The following ROBO1 variants were observed in gnomAD, a reference collection of about 807,000 sequenced individuals.
The protein encoded by ROBO1 is roundabout homolog 1.
A neutral mutation model predicts 195.9 loss-of-function variants in ROBO1; 149 were observed. The ratio of observed to expected loss-of-function variants is 0.76; its 90% CI spans 0.67 to 0.87. The LOEUF (loss-of-function observed/expected upper bound fraction) is 0.87, where lower values mean the gene tolerates loss of function less well. Ranked by LOEUF, ROBO1 falls within the 40% of genes least tolerant of loss-of-function variation. ROBO1 has a pLI of 0.00. For missense variants in ROBO1, 1,933 were observed against 2,068.3 expected, an observed-to-expected ratio of 0.93 and a Z score of 1.27; for synonymous variants, 816 against 733.2, an observed-to-expected ratio of 1.11 and a Z score of -1.82.
intron 1 of ROBO1, among the ~76,000 whole-genome samples, chr3:79,667,715 G>A (rs575541887): frequency 6.6e-6 from 1 of 151,812 alleles, no homozygotes; most frequent in Non-Finnish European, 1.5e-5. Context: ...GTGATGTCTT[G>A]ATCAAGCAAT....
At chr3:79,454,259 T>A (rs900145449) in intron 2 of ROBO1, among the ~76,000 whole-genome samples, 1 of 152,020 alleles carries the variant, frequency 6.6e-6, no homozygotes, top group Admixed American at 6.6e-5. Context: ...TGCAGCATCC[T>A]GTTACCAAGA....
chr3:78,631,307 T>C lies in ROBO1; in HGVS notation c.3482-2A>G. ...CCCCTTTCTTGTGCCCCTGACTCCCTAGAAAGGAAATAAAATAGAAGCCAT... is the reference window on the plus strand; with the variant it reads ...CCCCTTTCTTGTGCCCCTGACTCCCCAGAAAGGAAATAAAATAGAAGCCAT... On this transcript the variant is annotated splice_acceptor_variant, in intron 24 of 30. Transcript: ENST00000464233. LOFTEE classifies it high-confidence loss of function. The C allele has an allele frequency of 6.2e-7, 1 of 1,612,354 alleles. No homozygotes were observed.
intron 3 of ROBO1, among the ~76,000 whole-genome samples, chr3:78,990,565 C>G (rs1364858680): frequency 6.6e-6 from 1 of 152,084 alleles, no homozygotes; most frequent in Non-Finnish European, 1.5e-5. Flanking sequence ...AAGTATTGTA[C>G]TTGGCACAGG....
chr3:79,436,109 A>G (rs1448581476), intron 2 of ROBO1, among the ~76,000 whole-genome samples: 1 of 152,198 alleles, frequency 6.6e-6, no homozygotes, highest in East Asian at 1.9e-4. Context: ...TCTCAGTACA[A>G]AAGAAAGCTA....
At chr3:79,711,770 TA>T (rs1259274765) in intron 1 of ROBO1, among the ~76,000 whole-genome samples, 1 of 152,176 alleles carries the variant, frequency 6.6e-6, no homozygotes, top group African/African-American at 2.4e-5. Context: ...TGAGCAAGTC[TA>T]TGGATGTCAT....
At chr3:79,294,878 C>T (rs2032491061) in intron 2 of ROBO1, among the ~76,000 whole-genome samples, 1 of 152,124 alleles carries the variant, frequency 6.6e-6, no homozygotes, top group Admixed American at 6.5e-5. Flanking sequence ...TAGAGAAATG[C>T]AAATCAAAAC....
At chr3:79,530,840 G>A (rs1941628606) in intron 2 of ROBO1, among the ~76,000 whole-genome samples, 1 of 145,072 alleles carries the variant, frequency 6.9e-6, no homozygotes, top group Non-Finnish European at 1.5e-5. Context: ...TTAGAATAAA[G>A]ATGGAAGTCC....
intron 2 of ROBO1, among the ~76,000 whole-genome samples, chr3:79,299,977 G>A (rs1161065159): frequency 1.3e-5 from 2 of 152,166 alleles, no homozygotes; most frequent in Non-Finnish European, 2.9e-5. Flanking sequence ...TTTAATACCT[G>A]AAATATTAAA....
intron 5 of ROBO1, among the ~76,000 whole-genome samples, chr3:78,728,315 G>T (rs868766915): frequency 6.6e-6 from 1 of 152,040 alleles, no homozygotes; most frequent in Non-Finnish European, 1.5e-5. Context: ...ACAGGCTGTC[G>T]GGTAAACTTG....
intron 1 of ROBO1, among the ~76,000 whole-genome samples, chr3:79,615,784 A>T (rs535179316): frequency 2.0e-4 from 31 of 152,296 alleles, no homozygotes; most frequent in African/African-American, 6.0e-4. Context: ...TGCCAAGGTA[A>T]TCCAATAAGG....
At chr3:79,111,853 G>A (rs1254073016) in intron 3 of ROBO1, among the ~76,000 whole-genome samples, 1 of 152,124 alleles carries the variant, frequency 6.6e-6, no homozygotes, top group Non-Finnish European at 1.5e-5. Flanking sequence ...CACAAATGAT[G>A]TTTTAGTAAA....
intron 3 of ROBO1, among the ~76,000 whole-genome samples, chr3:78,957,886 C>T (rs182224544): frequency 2.0e-5 from 3 of 152,126 alleles, no homozygotes; most frequent in Admixed American, 6.6e-5. Flanking sequence ...GTGTGAGATC[C>T]TTCAATAATA....
chr3:79,739,721 C>G (rs1703543299), intron 1 of ROBO1, among the ~76,000 whole-genome samples: 1 of 152,096 alleles, frequency 6.6e-6, no homozygotes, highest in Admixed American at 6.6e-5. Context: ...TATGGTGTAT[C>G]TACTAAGGAC....
chr3:78,846,484 A>G (rs181394504), intron 4 of ROBO1, among the ~76,000 whole-genome samples: 44 of 152,222 alleles, frequency 2.9e-4, no homozygotes, highest in African/African-American at 9.6e-4. Context: ...GATAATCAAT[A>G]TCATCTTTAT....
intron 29 of ROBO1, among the ~76,000 whole-genome samples, chr3:78,605,179 A>G (rs1475019131): frequency 1.3e-5 from 2 of 152,166 alleles, no homozygotes; most frequent in East Asian, 3.9e-4. Context: ...GTGGTATTTT[A>G]TATGCCTTCC....
At chr3:78,628,025 C>T (rs945266036) in intron 25 of ROBO1, among the ~76,000 whole-genome samples, 11 of 150,852 alleles carry the variant, frequency 7.3e-5, no homozygotes, top group Non-Finnish European at 1.0e-4. Flanking sequence ...ACAATCTCAG[C>T]TCAACGCAAC....
At chr3:78,998,575 T>C (rs1408455758) in intron 3 of ROBO1, among the ~76,000 whole-genome samples, 1 of 152,140 alleles carries the variant, frequency 6.6e-6, no homozygotes, top group Non-Finnish European at 1.5e-5. Flanking sequence ...CTTGTAAACA[T>C]AATTGTTCTT....
intron 3 of ROBO1, among the ~76,000 whole-genome samples, chr3:79,111,772 A>C (rs2079891594): frequency 6.6e-6 from 1 of 152,178 alleles, no homozygotes; most frequent in Non-Finnish European, 1.5e-5. Flanking sequence ...GAGATACTGG[A>C]TACAAGGGCT....
intron 2 of ROBO1, among the ~76,000 whole-genome samples, chr3:79,253,187 TA>T (rs1457910527): frequency 6.6e-6 from 1 of 152,162 alleles, no homozygotes; most frequent in African/African-American, 2.4e-5. Context: ...TGAAATTCCC[TA>T]AATGTTTTAA....
Sources: allele counts gnomAD v4.1 joint callset (sites outside exome capture counted in the v4.1 genomes callset), GRCh38; gene constraint gnomAD v4.1.1; transcripts MANE v1.5; gene names NCBI Gene and HGNC (gene_info 2026-07-23, HGNC 2026-07-21).